The following DST variants were observed in gnomAD, a reference collection of about 807,000 sequenced individuals.
DST encodes the protein dystonin, also known as bullous pemphigoid antigen.
In DST, 253 loss-of-function variants were observed where a neutral mutation model predicts 875.2. The ratio of observed to expected loss-of-function variants is 0.29; its 90% CI spans 0.26 to 0.32. The LOEUF (loss-of-function observed/expected upper bound fraction) is 0.32. Ranked by LOEUF, DST falls within the 10% of genes least tolerant of loss-of-function variation. DST has a pLI of 1.00. For missense variants in DST, 8,287 were observed against 9,111.6 expected (o/e 0.91, Z 3.68); for synonymous variants, 3,124 against 3,197.1 (o/e 0.98, Z 0.77).
intron 92 of DST, among the ~76,000 whole-genome samples, chr6:56,475,448 C>G (rs2095139903): frequency 6.8e-6 from 1 of 146,378 alleles, no homozygotes; most frequent in Admixed American, 6.7e-5. Context: ...ATAATGGCAA[C>G]ATTAATTGCT....
intron 4 of DST, among the ~76,000 whole-genome samples, chr6:56,776,615 C>A (rs2099679753): frequency 2.0e-5 from 3 of 152,112 alleles, no homozygotes; most frequent in African/African-American, 7.2e-5. Context: ...ATTGTAAAAT[C>A]TAAAGTATTC....
At chr6:56,620,862 T>C (rs1213523827) in intron 36 of DST, 3 of 755,922 alleles carry the variant, frequency 4.0e-6, no homozygotes, top group East Asian at 5.3e-5. Context: ...CATCACCTTC[T>C]TCAGAGAGGA....
chr6:56,548,883 C>T (rs1164124824), intron 61 of DST, among the ~76,000 whole-genome samples: 1 of 152,142 alleles, frequency 6.6e-6, no homozygotes, highest in East Asian at 1.9e-4. Context: ...CTAACTAACA[C>T]AAAAGATAAC....
At chr6:56,771,877 T>C (rs745388855) in intron 4 of DST, among the ~76,000 whole-genome samples, 15 of 152,194 alleles carry the variant, frequency 9.9e-5, no homozygotes, top group Non-Finnish European at 2.1e-4. Flanking sequence ...CAAAAACTTC[T>C]AACCAGGAGA....
intron 75 of DST, among the ~76,000 whole-genome samples, chr6:56,507,481 T>C (rs1390030001): frequency 6.6e-6 from 1 of 152,152 alleles, no homozygotes; most frequent in Non-Finnish European, 1.5e-5. Context: ...GCAGAGTCCT[T>C]TGCATGAATA....
chr6:56,912,573 A>G (rs1168815802), intron 2 of DST, among the ~76,000 whole-genome samples: 1 of 152,190 alleles, frequency 6.6e-6, no homozygotes, highest in African/African-American at 2.4e-5. Context: ...AGCATAGACT[A>G]ACGGCTACAG....
chr6:56,544,908 A>C (rs867783923), intron 61 of DST, among the ~76,000 whole-genome samples: 10 of 152,302 alleles, frequency 6.6e-5, no homozygotes, highest in East Asian at 1.9e-4. Flanking sequence ...ATTTTTCCCC[A>C]AAAATTTGGT....
chr6:56,798,609 G>A (rs559450512), intron 4 of DST, among the ~76,000 whole-genome samples: 16 of 152,164 alleles, frequency 1.1e-4, no homozygotes, highest in East Asian at 3.9e-4. Context: ...CATAACATCC[G>A]TTCTGTAGCC....
At chr6:56,522,582 T>C (rs1353889351) in intron 69 of DST, among the ~76,000 whole-genome samples, 1 of 152,164 alleles carries the variant, frequency 6.6e-6, no homozygotes, top group Non-Finnish European at 1.5e-5. Context: ...CTCATTTCCG[T>C]AGGAGATGTT....
chr6:56,889,759 G>A (rs1275530247), intron 3 of DST, among the ~76,000 whole-genome samples: 3 of 152,102 alleles, frequency 2.0e-5, no homozygotes, highest in Non-Finnish European at 4.4e-5. Flanking sequence ...TACTTTTTGG[G>A]TCTGAAAGTT....
At chr6:56,856,621 GA>G (rs1562195183) in intron 3 of DST, among the ~76,000 whole-genome samples, 1 of 152,074 alleles carries the variant, frequency 6.6e-6, no homozygotes, top group Non-Finnish European at 1.5e-5. Flanking sequence ...AATTGTTCTA[GA>G]TTTAAAAGGA....
intron 4 of DST, among the ~76,000 whole-genome samples, chr6:56,769,592 G>C (rs543250849): frequency 6.6e-6 from 1 of 152,284 alleles, no homozygotes; most frequent in African/African-American, 2.4e-5. Flanking sequence ...GGCCAAAGCG[G>C]GTGGATTGAG....
chr6:56,749,387 G>A (rs2099581257), intron 4 of DST, among the ~76,000 whole-genome samples: 1 of 152,032 alleles, frequency 6.6e-6, no homozygotes, highest in Non-Finnish European at 1.5e-5. Flanking sequence ...GGGAGCTCTT[G>A]CCTTTCTCTG....
chr6:56,913,677 C>T (rs1799685763), intron 2 of DST, among the ~76,000 whole-genome samples: 1 of 152,216 alleles, frequency 6.6e-6, no homozygotes, highest in Admixed American at 6.5e-5. Context: ...CTAACACAGA[C>T]TGAAAAATAA....
In DST at chr6:56,871,423, G is replaced by A. The variant is rs546680162; in HGVS notation, c.418-19819C>T. On this transcript the variant is annotated intron_variant, in intron 3 of 103. Transcript: ENST00000680361. The stretch of plus-strand genomic sequence containing the variant: ...TGTGCCCAGGCCAAGCAGTGAGGCC[G>A]GACACAAGGTCGGTGGCCCAAAAAG... 98 of 1,592,940 alleles carry A rather than the reference G, an allele frequency of 6.2e-5. 1 individual carries two copies. The South Asian group carries it at 7.5e-4, about 12-fold the overall frequency.
At position 56,953,807 on chromosome 6, in the gene DST, C is replaced by G. The variant is rs937693190; in HGVS notation, c.194G>C (p.Arg65Thr). ...TACCTCAGAACGAAAGTGGTGCGAT[C>G]TCAAAACAGCATCTGGGGAGAAAAG... The part of the protein sequence containing the change: ...GRSRSRDAVL[R>T]SHHFRSEGFR... Residue 65 changes from arginine to threonine, a missense_variant, in exon 2 of 104, where the codon AGA becomes ACA. By Grantham distance (71) the Arg-to-Thr change is moderately conservative. This residue lies in a region of DST where 1,160 missense variants were observed against 1,424.3 expected (regional missense o/e 0.81). Coordinates refer to ENST00000680361, the MANE Select transcript of DST (RefSeq NM_001374736.1). 3.0e-6 allele frequency: 4 copies of G among 1,315,658 alleles called. No individual in the cohort carries two copies. Among genetic ancestry groups the G allele is most frequent in the Non-Finnish European group, 4.0e-6 (4 of 994,252 alleles). 81.5% of individuals were successfully genotyped at this position (1,315,658 alleles called of 1,614,324 possible). A position where few individuals can be genotyped will look rare whatever the true frequency, so the allele number is the denominator to read the frequency against.
intron 4 of DST, among the ~76,000 whole-genome samples, chr6:56,759,718 GAC>G (rs1245772234): frequency 6.6e-6 from 1 of 152,142 alleles, no homozygotes; most frequent in Non-Finnish European, 1.5e-5. Flanking sequence ...TAAAGATGCT[GAC>G]ACAGCCAAGG....
chr6:56,825,367 G>GC (rs1376859716), intron 4 of DST, among the ~76,000 whole-genome samples: 2 of 149,448 alleles, frequency 1.3e-5, no homozygotes, highest in Non-Finnish European at 3.0e-5. Context: ...ACTGCAGAAG[G>GC]CCGCAGGGTC....
chr6:56,494,284 CTGTT>C, intron 82 of DST, 104 bp from the exon 83 acceptor site: 1 of 1,097,682 alleles, frequency 9.1e-7, no homozygotes, highest in Non-Finnish European at 1.3e-6. Context: ...ATATTCATCT[CTGTT>C]TGCTCTCTCA....
Sources: allele counts gnomAD v4.1 joint callset (sites outside exome capture counted in the v4.1 genomes callset), GRCh38; gene constraint gnomAD v4.1.1; regional missense constraint gnomAD v4.1.1; transcripts MANE v1.5; gene names NCBI Gene and HGNC (gene_info 2026-07-23, HGNC 2026-07-21).